Variants in CNTN4 observed in about 807,000 individuals in gnomAD.
CNTN4 encodes the protein contactin-4.
Under a neutral mutation model 122.5 loss-of-function variants are expected in CNTN4, and 77 were observed. The ratio of observed to expected loss-of-function variants is 0.63; its 90% CI spans 0.52 to 0.76. The LOEUF is 0.76. Ranked by LOEUF, CNTN4 falls within the 30% of genes least tolerant of loss-of-function variation. The pLI, the probability that CNTN4 is intolerant of heterozygous loss-of-function variation, is 0.00. For missense variants in CNTN4, 1,256 were observed against 1,259.1 expected (o/e 1.00, Z 0.04); for synonymous variants, 512 against 447.0 (o/e 1.15, Z -1.83).
intron 2 of CNTN4, among the ~76,000 whole-genome samples, chr3:2,253,830 T>G (rs975191681): frequency 2.6e-5 from 4 of 152,108 alleles, no homozygotes; most frequent in Non-Finnish European, 5.9e-5. Context: ...AATTTAACAT[T>G]TTCAACTATT....
intron 13 of CNTN4, among the ~76,000 whole-genome samples, chr3:2,987,589 T>G (rs1249734908): frequency 6.6e-6 from 1 of 152,246 alleles, no homozygotes; most frequent in Admixed American, 6.5e-5. Context: ...CTGACAAGCC[T>G]CTAAGCCAAG....
At chr3:2,468,628 A>G (rs1014122283) in intron 3 of CNTN4, among the ~76,000 whole-genome samples, 2 of 152,138 alleles carry the variant, frequency 1.3e-5, no homozygotes, top group Non-Finnish European at 2.9e-5. Flanking sequence ...TACAGTTTTT[A>G]ATTGGAGGCC....
chr3:2,445,013 ATCTATCTC>A (rs199537826), intron 3 of CNTN4, among the ~76,000 whole-genome samples: 79 of 151,836 alleles, frequency 5.2e-4, no homozygotes, highest in African/African-American at 1.7e-3. Flanking sequence ...AAAAAAAAAA[ATCTATCTC>A]TCTATCTATC....
intron 2 of CNTN4, among the ~76,000 whole-genome samples, chr3:2,103,611 T>C (rs2032177417): frequency 6.6e-6 from 1 of 152,202 alleles, no homozygotes; most frequent in South Asian, 2.1e-4. Context: ...TCAGCTAAAA[T>C]AGCCTCTCCT....
intron 14 of CNTN4, among the ~76,000 whole-genome samples, chr3:2,993,214 T>C (rs76443334): frequency 0.029 from 4,398 of 152,272 alleles, 82 homozygotes; most frequent in Non-Finnish European, 0.043. Context: ...TGTTGTCACA[T>C]AGCCATGTCA....
intron 3 of CNTN4, among the ~76,000 whole-genome samples, chr3:2,394,550 A>T (rs6787085): frequency 0.19 from 28,949 of 152,106 alleles, 3,479 homozygotes; most frequent in Middle Eastern, 0.29. Context: ...GAAATGGCTG[A>T]TATGAAAGAG....
intron 2 of CNTN4, among the ~76,000 whole-genome samples, chr3:2,227,506 C>G (rs183544061): frequency 1.3e-3 from 191 of 152,270 alleles, no homozygotes; most frequent in African/African-American, 4.3e-3. Flanking sequence ...TTATGCCCCA[C>G]TTTACTTATT....
At chr3:2,212,861 A>G (rs1030005209) in intron 2 of CNTN4, among the ~76,000 whole-genome samples, 3 of 152,304 alleles carry the variant, frequency 2.0e-5, no homozygotes, top group East Asian at 1.9e-4. Context: ...CAATTCCCAT[A>G]TATAGCTTGG....
intron 2 of CNTN4, among the ~76,000 whole-genome samples, chr3:2,281,494 G>T (rs1313788816): frequency 6.6e-6 from 1 of 151,988 alleles, no homozygotes; most frequent in Admixed American, 6.6e-5. Flanking sequence ...TCTACTGCAC[G>T]TTGTGGTCTT....
chr3:2,525,552 T>TTG (rs1306452736), intron 3 of CNTN4, among the ~76,000 whole-genome samples: 1 of 152,184 alleles, frequency 6.6e-6, no homozygotes, highest in Non-Finnish European at 1.5e-5. Flanking sequence ...TGGCATACCT[T>TTG]TGTGTGTATG....
At chr3:2,817,079 A>G (rs1325556250) in intron 6 of CNTN4, among the ~76,000 whole-genome samples, 1 of 152,154 alleles carries the variant, frequency 6.6e-6, no homozygotes, top group Non-Finnish European at 1.5e-5. Flanking sequence ...GAGGCATGTA[A>G]TCTTTCCCTA....
chr3:2,434,657 G>A (rs2048195661), intron 3 of CNTN4, among the ~76,000 whole-genome samples: 1 of 152,258 alleles, frequency 6.6e-6, no homozygotes, highest in African/African-American at 2.4e-5. Context: ...ATGTAATTAG[G>A]TCATTTTCTC....
intron 23 of CNTN4, among the ~76,000 whole-genome samples, chr3:3,046,220 G>A (rs959389040): frequency 1.3e-5 from 2 of 152,156 alleles, no homozygotes; most frequent in Non-Finnish European, 2.9e-5. Flanking sequence ...TATTATCCAG[G>A]AGAACTTCCC....
At chr3:2,751,413 C>G (rs1015040653) in intron 6 of CNTN4, among the ~76,000 whole-genome samples, 2 of 152,170 alleles carry the variant, frequency 1.3e-5, no homozygotes, top group Non-Finnish European at 2.9e-5. Context: ...CAGCCTGAGA[C>G]TACGCACAGC....
intron 3 of CNTN4, among the ~76,000 whole-genome samples, chr3:2,467,042 T>G (rs1446596824): frequency 6.7e-6 from 1 of 149,302 alleles, no homozygotes; most frequent in East Asian, 2.0e-4. Flanking sequence ...TTCACACATA[T>G]GGAGTAGATG....
intron 3 of CNTN4, among the ~76,000 whole-genome samples, chr3:2,554,016 C>T (rs1001860089): frequency 6.6e-6 from 1 of 152,122 alleles, no homozygotes; most frequent in Non-Finnish European, 1.5e-5. Context: ...TCTCAATAAT[C>T]GGTGTACTGT....
intron 2 of CNTN4, among the ~76,000 whole-genome samples, chr3:2,113,771 TG>T (rs1188856958): frequency 6.6e-6 from 1 of 152,168 alleles, no homozygotes; most frequent in Non-Finnish European, 1.5e-5. Context: ...TGAAAATCAC[TG>T]GAGGGAGGCT....
chr3:2,366,137 C>T (rs1284273372), intron 3 of CNTN4, among the ~76,000 whole-genome samples: 1 of 152,166 alleles, frequency 6.6e-6, no homozygotes, highest in Non-Finnish European at 1.5e-5. Context: ...CTCAATTATA[C>T]TACTTTCTCT....
chr3:2,651,106 G>T (rs1048102807), intron 4 of CNTN4, among the ~76,000 whole-genome samples: 11 of 152,164 alleles, frequency 7.2e-5, no homozygotes, highest in Non-Finnish European at 1.3e-4. Flanking sequence ...GACTGTTACG[G>T]TCTTTTCCTT....
Sources: gnomAD v4.1 joint callset for allele counts (sites outside exome capture counted in the v4.1 genomes callset) on GRCh38, gnomAD v4.1.1 for gene constraint, MANE v1.5 for transcripts, NCBI Gene and HGNC (gene_info 2026-07-23, HGNC 2026-07-21) for gene names.